Variants in PLXDC2 observed in about 807,000 individuals in gnomAD.
PLXDC2 encodes plexin domain containing 2.
PLXDC2 carries 40 observed loss-of-function variants against 68.9 expected under a neutral mutation model. The ratio of observed to expected loss-of-function variants is 0.58; its 90% CI spans 0.45 to 0.76. The LOEUF (loss-of-function observed/expected upper bound fraction) is 0.76, where lower values mean the gene tolerates loss of function less well. Ranked by LOEUF, PLXDC2 falls within the 30% of genes least tolerant of loss-of-function variation. PLXDC2 has a pLI of 0.00. For synonymous variants in PLXDC2, 243 were observed against 234.2 expected (o/e 1.04, Z -0.34); for missense variants, 644 against 661.9 (o/e 0.97, Z 0.30).
intron 9 of PLXDC2, among the ~76,000 whole-genome samples, chr10:20,206,360 T>TG (rs890418725): frequency 2.0e-5 from 3 of 152,106 alleles, no homozygotes; most frequent in Middle Eastern, 3.4e-3. Flanking sequence ...CACTTGGTGT[T>TG]GGGGGGTCTC....
rs187275489 is a variant in PLXDC2 at position 20,218,792 on chromosome 10, T to C, written c.1274-272T>C. Among the ~76,000 whole-genome samples the C allele has an allele frequency of 1.9e-3, 284 of 152,276 alleles. 2 individuals carry two copies. The highest frequency in any genetic ancestry group is 6.6e-3 in the African/African-American group (274 of 41,572). On this transcript the variant is annotated intron_variant, in intron 11 of 13. Transcript: ENST00000377252. ...GAATTAAAAATAGCTGTATTTTAAC[T>C]TTTAATTATTACTGCTTACTTTTCT...
At chr10:19,921,285 G>A (rs1234287600) in intron 1 of PLXDC2, among the ~76,000 whole-genome samples, 2 of 152,026 alleles carry the variant, frequency 1.3e-5, no homozygotes, top group Admixed American at 6.6e-5. Context: ...TGATTTTTAT[G>A]TGTTAAATTT....
chr10:19,834,452 A>G (rs868258237), intron 1 of PLXDC2, among the ~76,000 whole-genome samples: 9 of 152,104 alleles, frequency 5.9e-5, no homozygotes, highest in South Asian at 2.1e-4. Flanking sequence ...CTGCTCAAGA[A>G]AGAGGTTGGG....
chr10:20,216,966 A>G (rs1344227236), intron 10 of PLXDC2, among the ~76,000 whole-genome samples: 1 of 152,254 alleles, frequency 6.6e-6, no homozygotes, highest in East Asian at 1.9e-4. Context: ...ACAATGAAGT[A>G]GTATGGGGAA....
At chr10:19,882,361 C>T (rs1005007660) in intron 1 of PLXDC2, among the ~76,000 whole-genome samples, 3 of 152,148 alleles carry the variant, frequency 2.0e-5, no homozygotes, top group African/African-American at 4.8e-5. Context: ...AATTTCCATT[C>T]TCTAATTAAG....
intron 13 of PLXDC2, among the ~76,000 whole-genome samples, chr10:20,257,900 G>T (rs1028695831): frequency 3.3e-5 from 5 of 151,048 alleles, no homozygotes; most frequent in Non-Finnish European, 5.9e-5. Flanking sequence ...ATAAATTGAT[G>T]ATTAAATACC....
At chr10:20,166,014 A>T (rs1458621136) in intron 7 of PLXDC2, among the ~76,000 whole-genome samples, 1 of 152,182 alleles carries the variant, frequency 6.6e-6, no homozygotes, top group Admixed American at 6.5e-5. Flanking sequence ...AATATATCTC[A>T]AGATGAGATC....
At chr10:20,095,172 G>A (rs1015592972) in intron 4 of PLXDC2, among the ~76,000 whole-genome samples, 2 of 151,974 alleles carry the variant, frequency 1.3e-5, no homozygotes, top group South Asian at 2.1e-4. Flanking sequence ...AATTATTAAT[G>A]GTATAAGTTT....
chr10:19,881,000 G>A (rs1242182877), intron 1 of PLXDC2, among the ~76,000 whole-genome samples: 1 of 152,076 alleles, frequency 6.6e-6, no homozygotes, highest in African/African-American at 2.4e-5. Flanking sequence ...TTAAAATTAG[G>A]TTGTGCTCAA....
chr10:19,884,460 G>A (rs993968065), intron 1 of PLXDC2, among the ~76,000 whole-genome samples: 4 of 151,676 alleles, frequency 2.6e-5, no homozygotes, highest in Non-Finnish European at 2.9e-5. Flanking sequence ...CCACTAACTC[G>A]TCACCTAGCA....
At chr10:20,012,574 C>G (rs187818406) in intron 2 of PLXDC2, among the ~76,000 whole-genome samples, 1 of 151,732 alleles carries the variant, frequency 6.6e-6, no homozygotes, top group African/African-American at 2.4e-5. Context: ...GATCCATCCA[C>G]CTTGGCCTCC....
At chr10:19,942,343 TC>T (rs1451011985) in intron 1 of PLXDC2, among the ~76,000 whole-genome samples, 1 of 152,206 alleles carries the variant, frequency 6.6e-6, no homozygotes, top group Non-Finnish European at 1.5e-5. Flanking sequence ...GGTTATTGTT[TC>T]CCCTAATAAT....
At chr10:20,023,948 C>T (rs1835354690) in intron 2 of PLXDC2, among the ~76,000 whole-genome samples, 1 of 152,064 alleles carries the variant, frequency 6.6e-6, no homozygotes, top group Non-Finnish European at 1.5e-5. Flanking sequence ...ATTAAGAACT[C>T]TTATATCAAC....
chr10:19,878,542 C>G (rs926593155), intron 1 of PLXDC2, among the ~76,000 whole-genome samples: 1 of 152,046 alleles, frequency 6.6e-6, no homozygotes, highest in East Asian at 1.9e-4. Context: ...CAAAGAAAGT[C>G]TTTGGATAAC....
chr10:20,250,129 A>C (rs1835655207), intron 13 of PLXDC2, among the ~76,000 whole-genome samples: 1 of 151,950 alleles, frequency 6.6e-6, no homozygotes, highest in Admixed American at 6.6e-5. Flanking sequence ...TTAGCCAGGC[A>C]TGGTGGTACG....
chr10:20,212,220 C>T (rs1019084515), intron 10 of PLXDC2, among the ~76,000 whole-genome samples: 1 of 151,928 alleles, frequency 6.6e-6, no homozygotes, highest in African/African-American at 2.4e-5. Flanking sequence ...TGTACGAAAC[C>T]ATTGTTCCTC....
At chr10:20,273,225 C>A (rs1169154027) in intron 13 of PLXDC2, among the ~76,000 whole-genome samples, 1 of 152,128 alleles carries the variant, frequency 6.6e-6, no homozygotes, top group Admixed American at 6.6e-5. Flanking sequence ...CATTCATTCA[C>A]TCTGTTTCCC....
chr10:20,046,796 A>G (rs971148499), intron 2 of PLXDC2, 73 bp from the exon 3 acceptor site: 1 of 1,437,810 alleles, frequency 7.0e-7, no homozygotes, highest in Non-Finnish European at 9.4e-7. Context: ...TCTTGAGTTC[A>G]ATAGGATTTT....
chr10:20,278,012 A>G (rs1176865447), intron 13 of PLXDC2, among the ~76,000 whole-genome samples: 1 of 152,164 alleles, frequency 6.6e-6, no homozygotes, highest in Admixed American at 6.5e-5. Flanking sequence ...GTTGTTGTGA[A>G]TGACAGGATC....
Sources: allele counts gnomAD v4.1 joint callset (sites outside exome capture counted in the v4.1 genomes callset), GRCh38; gene constraint gnomAD v4.1.1; transcripts MANE v1.5; gene names NCBI Gene and HGNC (gene_info 2026-07-23, HGNC 2026-07-21).